The following STAG2 variants were observed in gnomAD, a reference collection of about 807,000 sequenced individuals.
STAG2 encodes the protein STAG2 cohesin complex component.
STAG2 carries 14 observed loss-of-function variants against 108.1 expected under a neutral mutation model. The observed-to-expected ratio is 0.13, with a 90% CI of 0.09 to 0.20. STAG2 has a LOEUF of 0.20. Ranked by LOEUF, STAG2 falls within the 10% of genes least tolerant of loss-of-function variation. The pLI is 1.00. For missense variants in STAG2, 440 were observed against 940.9 expected, an observed-to-expected ratio of 0.47 and a Z score of 6.96; for synonymous variants, 307 against 302.7, an observed-to-expected ratio of 1.01 and a Z score of -0.15.
chrX:124,054,533 T>C (rs1336519772), intron 13 of STAG2, among the ~76,000 whole-genome samples: 2 of 111,957 alleles, frequency 1.8e-5, no homozygotes, highest in African/African-American at 6.5e-5. Flanking sequence ...TGAAATAAAG[T>C]AACAGTATGC....
chrX:124,028,848 T>TCAC (rs1280112766), intron 4 of STAG2, among the ~76,000 whole-genome samples: 2 of 99,785 alleles, frequency 2.0e-5, no homozygotes, highest in Admixed American at 2.2e-4. Context: ...AGATGGGGTC[T>TCAC]CGCTCTGTTG....
intron 34 of STAG2, among the ~76,000 whole-genome samples, chrX:124,100,170 T>C (rs1011180159): frequency 9.0e-6 from 1 of 111,644 alleles, no homozygotes; most frequent in African/African-American, 3.2e-5. Flanking sequence ...CCAGCACAAA[T>C]AGCCAAGTTT....
At chrX:123,978,394 G>C (rs1161452709) in intron 1 of STAG2, among the ~76,000 whole-genome samples, 1 of 110,216 alleles carries the variant, frequency 9.1e-6, no homozygotes, top group Non-Finnish European at 1.9e-5. Flanking sequence ...TTATAAGTGA[G>C]AACATGTGGT....
At chrX:123,975,098 A>G (rs904073287) in intron 1 of STAG2, among the ~76,000 whole-genome samples, 1 of 111,735 alleles carries the variant, frequency 8.9e-6, no homozygotes, top group Non-Finnish European at 1.9e-5. Context: ...GGTGGCTAGA[A>G]TGTTATTACA....
chrX:123,965,479 G>A (rs777434177), intron 1 of STAG2, among the ~76,000 whole-genome samples: 1 of 111,797 alleles, frequency 8.9e-6, no homozygotes, highest in African/African-American at 3.2e-5. Flanking sequence ...GGATGGGCTT[G>A]GGGGACAGGC....
Position 124,072,526 on chromosome X carries a change from C to G in STAG2, c.2533+1203C>G, listed in dbSNP as rs768417487. Among the ~76,000 whole-genome samples, 4 of 110,947 alleles carry G rather than the reference C, an allele frequency of 3.6e-5. No homozygotes were observed. The East Asian group carries it at 1.1e-3, about 31-fold the overall frequency. Reference sequence around the variant, plus strand: ...TGAGTTTTTCATCTGTCACTCTAAGCTATTGGCTTAGTTATGCTTTTGTTC... The same window carrying G: ...TGAGTTTTTCATCTGTCACTCTAAGGTATTGGCTTAGTTATGCTTTTGTTC... On this transcript the variant is annotated intron_variant, in intron 25 of 34. Transcript: ENST00000371145.
chrX:124,023,415 G>A (rs1262745311), intron 3 of STAG2, among the ~76,000 whole-genome samples: 1 of 109,672 alleles, frequency 9.1e-6, no homozygotes, highest in Non-Finnish European at 1.9e-5. Flanking sequence ...TGTACATAAT[G>A]GCAGCCAGCA....
intron 8 of STAG2, among the ~76,000 whole-genome samples, chrX:124,046,849 T>C (rs2057894465): frequency 2.7e-5 from 3 of 112,272 alleles, no homozygotes; most frequent in African/African-American, 9.7e-5. Context: ...CAAATACTGA[T>C]AAAATTCCTC....
chrX:124,039,267 C>G (rs759573954), intron 6 of STAG2, among the ~76,000 whole-genome samples: 1 of 108,545 alleles, frequency 9.2e-6, no homozygotes, highest in East Asian at 2.9e-4. Flanking sequence ...GTGATCCTCC[C>G]ACCTTAACCT....
intron 34 of STAG2, among the ~76,000 whole-genome samples, chrX:124,097,861 C>T (rs12833103): frequency 0.013 from 1,429 of 110,625 alleles, 13 homozygotes; most frequent in Non-Finnish European, 0.018. Context: ...AAACTAAAAT[C>T]CCCATTTGGA....
chrX:124,015,658 C>T (rs1324466506), intron 1 of STAG2, among the ~76,000 whole-genome samples: 1 of 111,951 alleles, frequency 8.9e-6, no homozygotes, highest in East Asian at 2.8e-4. Context: ...CAGGTGGGAG[C>T]CACCACACCC....
intron 1 of STAG2, among the ~76,000 whole-genome samples, chrX:124,016,307 T>C (rs2056726485): frequency 9.0e-6 from 1 of 111,460 alleles, no homozygotes. Flanking sequence ...GCCCAGCTAG[T>C]AGTTCACGTT....
intron 15 of STAG2, among the ~76,000 whole-genome samples, 177 bp downstream of exon 15, chrX:124,058,154 CTTTTTTTTT>C (rs999044036): frequency 1.4e-5 from 1 of 72,965 alleles, no homozygotes; most frequent in Non-Finnish European, 2.6e-5. Context: ...TACTTTTCTT[CTTTTTTTTT>C]TTTTTTTTTT....
chrX:124,016,045 T>G (rs1395584930), intron 1 of STAG2, among the ~76,000 whole-genome samples: 1 of 112,206 alleles, frequency 8.9e-6, no homozygotes, highest in Non-Finnish European at 1.9e-5. Context: ...AACTCAGAGT[T>G]TTTGTACATT....
intron 1 of STAG2, among the ~76,000 whole-genome samples, chrX:124,019,052 C>CTTTTTT (rs751161706): frequency 1.7e-3 from 132 of 79,838 alleles, no homozygotes; most frequent in African/African-American, 4.4e-3. Context: ...ATTTAGCACT[C>CTTTTTT]TTTTTTTTTT....
upstream of STAG2, chrX:123,960,969 G>A (rs1475679223): frequency 3.6e-5 from 4 of 112,240 alleles, no homozygotes; most frequent in African/African-American, 9.7e-5. Context: ...CAGGGCGAGA[G>A]AGAGGAGTTG....
chrX:124,035,025 T>C (rs983166766), intron 5 of STAG2, among the ~76,000 whole-genome samples: 9 of 109,900 alleles, frequency 8.2e-5, no homozygotes, highest in African/African-American at 3.0e-4. Context: ...GCCTCCCAAG[T>C]AGCTGGGATT....
rs1158467620 is a variant in STAG2, at chrX:124,061,350, G to A, written c.1534+9G>A. The A allele has an allele frequency of 1.8e-6, 2 of 1,125,065 alleles. No individual in the cohort carries two copies. Among genetic ancestry groups the A allele is most frequent in the East Asian group, 3.0e-5 (1 of 33,245 alleles). 92.7% of individuals were successfully genotyped at this position (1,125,065 alleles called of 1,213,427 possible). ...ACTTAGTGGAGAGGAAGGTAAGGAT[G>A]TTTAATTATGATATTTTTGTTTAGA... On this transcript the variant is annotated intron_variant, in intron 16 of 34. Transcript: ENST00000371145.
intron 13 of STAG2, among the ~76,000 whole-genome samples, chrX:124,051,916 G>A (rs1240742518): frequency 8.9e-6 from 1 of 112,240 alleles, no homozygotes; most frequent in Non-Finnish European, 1.9e-5. Flanking sequence ...ACTGAGCTAG[G>A]AATTCATGTG....
Sources: gnomAD v4.1 joint callset for allele counts (sites outside exome capture counted in the v4.1 genomes callset) on GRCh38, gnomAD v4.1.1 for gene constraint, MANE v1.5 for transcripts, NCBI Gene and HGNC (gene_info 2026-07-23, HGNC 2026-07-21) for gene names.